Variants in MTRF1 observed in about 807,000 individuals in gnomAD.
MTRF1 encodes the protein mitochondrial translation release factor 1.
In MTRF1, 51 loss-of-function variants were observed where a neutral mutation model predicts 62.9. The observed-to-expected ratio is 0.81, with a 90% CI of 0.65 to 1.02. MTRF1 has a LOEUF of 1.02. Ranked by LOEUF, MTRF1 falls within the 50% of genes least tolerant of loss-of-function variation. The pLI, the probability that MTRF1 is intolerant of heterozygous loss-of-function variation, is 0.00. For synonymous variants in MTRF1, 158 were observed against 181.9 expected (o/e 0.87, Z 1.06); for missense variants, 446 against 530.0 (o/e 0.84, Z 1.56).
At chr13:41,281,217 C>A in the MTRF1 span, among the ~76,000 whole-genome samples, 1 of 152,160 alleles carries the variant, frequency 6.6e-6, no homozygotes, top group Non-Finnish European at 1.5e-5. Context: ...TTGCCAGTTT[C>A]ACTCCTCTAT....
the MTRF1 span, chr13:41,311,714 G>T: frequency 0.7 from 569,440 of 808,508 alleles, 207,045 homozygotes; most frequent in South Asian, 0.78. Flanking sequence ...TTACCTCGGA[G>T]GTCGCGGGAC....
the MTRF1 span, among the ~76,000 whole-genome samples, chr13:41,278,648 A>G: frequency 1.3e-5 from 2 of 152,200 alleles, no homozygotes; most frequent in Non-Finnish European, 2.9e-5. Flanking sequence ...AGTATCAGCC[A>G]CTGCATTGGT....
chr13:41,279,279 T>G, the MTRF1 span, among the ~76,000 whole-genome samples: 1 of 152,216 alleles, frequency 6.6e-6, no homozygotes, highest in African/African-American at 2.4e-5. Context: ...CATGAGCCAC[T>G]GTGCCCAGCC....
At chr13:41,279,677 G>GA in the MTRF1 span, among the ~76,000 whole-genome samples, 2 of 151,924 alleles carry the variant, frequency 1.3e-5, no homozygotes, top group Non-Finnish European at 2.9e-5. Flanking sequence ...ATGAGACACG[G>GA]AAAAAAATAT....
the MTRF1 span, among the ~76,000 whole-genome samples, chr13:41,298,328 G>A: frequency 1.7e-3 from 5 of 2,982 alleles, no homozygotes; most frequent in South Asian, 0.024. Context: ...CCAGTTCTTC[G>A]TCTTATCCAT....
At chr13:41,307,657 T>G in the MTRF1 span, among the ~76,000 whole-genome samples, 1 of 151,972 alleles carries the variant, frequency 6.6e-6, no homozygotes. Context: ...TTCACTCTAT[T>G]CCTCCTGCTC....
chr13:41,293,300 A>T, the MTRF1 span, among the ~76,000 whole-genome samples: 1 of 152,202 alleles, frequency 6.6e-6, no homozygotes, highest in Non-Finnish European at 1.5e-5. Flanking sequence ...AATTAATCCT[A>T]ATGGCTTTTA....
At chr13:41,311,641 G>T in the MTRF1 span, 1 of 1,527,550 alleles carries the variant, frequency 6.5e-7, no homozygotes, top group Non-Finnish European at 8.9e-7. Flanking sequence ...GGCCTTAAGG[G>T]CAAGCGGTCT....
At chr13:41,284,324 G>GAA in the MTRF1 span, among the ~76,000 whole-genome samples, 1 of 126,412 alleles carries the variant, frequency 7.9e-6, no homozygotes, top group Non-Finnish European at 1.7e-5. Flanking sequence ...CATCTCTACT[G>GAA]AAAAAAAAAA....
chr13:41,309,168 G>A, the MTRF1 span, among the ~76,000 whole-genome samples: 27 of 151,840 alleles, frequency 1.8e-4, 1 homozygote, highest in African/African-American at 6.3e-4. Context: ...ATAGTGCTGC[G>A]ATGAACATAC....
chr13:41,225,636 C>A (rs1353861380), intron 8 of MTRF1, among the ~76,000 whole-genome samples: 1 of 151,590 alleles, frequency 6.6e-6, no homozygotes, highest in Non-Finnish European at 1.5e-5. Flanking sequence ...GCCACAAAAT[C>A]TTCCAAATTT....
chr13:41,244,344 T>C (rs1246680226), intron 5 of MTRF1, among the ~76,000 whole-genome samples: 1 of 152,232 alleles, frequency 6.6e-6, no homozygotes, highest in East Asian at 1.9e-4. Flanking sequence ...ATGGGTCTTT[T>C]CCCTTTTTTG....
the MTRF1 span, among the ~76,000 whole-genome samples, chr13:41,285,239 C>G: frequency 2.3e-4 from 35 of 152,300 alleles, no homozygotes; most frequent in African/African-American, 8.2e-4. Flanking sequence ...GTCCTCTTCC[C>G]TTCTTCTAAA....
chr13:41,259,003 A>G (rs939196582), intron 2 of MTRF1, among the ~76,000 whole-genome samples: 1 of 152,210 alleles, frequency 6.6e-6, no homozygotes, highest in Non-Finnish European at 1.5e-5. Flanking sequence ...ATGGCCAAAT[A>G]AGCACCAGAA....
intron 1 of MTRF1, chr13:41,261,573 G>C (rs1212050317): frequency 6.5e-6 from 1 of 154,228 alleles, no homozygotes; most frequent in African/African-American, 2.4e-5. Context: ...TGAAAGCTAT[G>C]AAAACATACA....
the MTRF1 span, among the ~76,000 whole-genome samples, chr13:41,307,955 GCTTTCTAGTA>G: frequency 1.3e-5 from 2 of 152,144 alleles, no homozygotes; most frequent in Admixed American, 1.3e-4. Flanking sequence ...AACTAGTGCT[GCTTTCTAGTA>G]TTTGGGATTG....
intron 7 of MTRF1, among the ~76,000 whole-genome samples, chr13:41,230,559 G>A (rs1053108106): frequency 4.8e-5 from 7 of 145,310 alleles, no homozygotes; most frequent in Admixed American, 4.8e-4. Context: ...CCACTGCACC[G>A]GGCCTTTTTT....
At chr13:41,239,421 G>A (rs1184238977) in intron 6 of MTRF1, among the ~76,000 whole-genome samples, 9 of 152,260 alleles carry the variant, frequency 5.9e-5, no homozygotes, top group Admixed American at 5.2e-4. Context: ...CATGGTGTCT[G>A]CTGTATCCTT....
At chr13:41,268,680 T>G in the MTRF1 span, among the ~76,000 whole-genome samples, 2 of 151,910 alleles carry the variant, frequency 1.3e-5, no homozygotes, top group South Asian at 4.2e-4. Context: ...TGAAGAAGAG[T>G]GTTCCTATTT....
Sources: gnomAD v4.1 joint callset for allele counts (sites outside exome capture counted in the v4.1 genomes callset) on GRCh38, gnomAD v4.1.1 for gene constraint, MANE v1.5 for transcripts, NCBI Gene and HGNC (gene_info 2026-07-23, HGNC 2026-07-21) for gene names.